KIF26B: variants seen among roughly 807,000 people sequenced by gnomAD.
KIF26B encodes the protein kinesin family member 26B.
In KIF26B, 63 loss-of-function variants were observed where a neutral mutation model predicts 151.2. The observed-to-expected ratio is 0.42, with a 90% CI of 0.34 to 0.51. The LOEUF (loss-of-function observed/expected upper bound fraction) is 0.51. Ranked by LOEUF, KIF26B falls within the 20% of genes least tolerant of loss-of-function variation. KIF26B has a pLI of 0.07. For missense variants in KIF26B, 2,813 were observed against 2,913.6 expected, an observed-to-expected ratio of 0.97 and a Z score of 0.79; for synonymous variants, 1,357 against 1,262.1, an observed-to-expected ratio of 1.08 and a Z score of -1.59.
intron 2 of KIF26B, among the ~76,000 whole-genome samples, chr1:245,359,854 A>ATTTC (rs760040009): frequency 1.5e-3 from 225 of 145,634 alleles, no homozygotes; most frequent in Non-Finnish European, 1.9e-3. Flanking sequence ...GCCTATTGTG[A>ATTTC]TTTCTTTCTT....
At chr1:245,683,477 A>G (rs2044465900) in intron 10 of KIF26B, among the ~76,000 whole-genome samples, 3 of 152,204 alleles carry the variant, frequency 2.0e-5, no homozygotes, top group African/African-American at 7.2e-5. Flanking sequence ...CTCCAGGTCT[A>G]TTCAAAGACG....
intron 4 of KIF26B, among the ~76,000 whole-genome samples, chr1:245,519,193 A>G (rs1283438778): frequency 6.6e-6 from 1 of 152,230 alleles, no homozygotes; most frequent in Non-Finnish European, 1.5e-5. Context: ...TAACAGATTT[A>G]TACAGTCTCA....
chr1:245,598,788 C>T (rs1404835760), intron 5 of KIF26B, among the ~76,000 whole-genome samples: 4 of 152,180 alleles, frequency 2.6e-5, no homozygotes, highest in Non-Finnish European at 2.9e-5. Context: ...ACAGCTGTCC[C>T]AATCCATCCG....
chr1:245,284,002 A>C (rs10924151), intron 2 of KIF26B, among the ~76,000 whole-genome samples: 89,866 of 151,610 alleles, frequency 0.59, 26,995 homozygotes, highest in East Asian at 0.7. Flanking sequence ...GAATATGAGC[A>C]GCACTTTTGA....
intron 4 of KIF26B, among the ~76,000 whole-genome samples, chr1:245,521,532 A>T (rs760072988): frequency 1.2e-4 from 18 of 152,160 alleles, no homozygotes; most frequent in Non-Finnish European, 2.4e-4. Flanking sequence ...GCAATCCTTG[A>T]GTATAAGTCT....
intron 2 of KIF26B, among the ~76,000 whole-genome samples, chr1:245,290,340 G>A (rs553279439): frequency 9.8e-5 from 15 of 152,354 alleles, no homozygotes; most frequent in African/African-American, 3.6e-4. Flanking sequence ...AAGAATTCTA[G>A]ATGAGTCCAT....
intron 4 of KIF26B, among the ~76,000 whole-genome samples, chr1:245,496,880 C>A (rs1352066802): frequency 6.6e-6 from 1 of 151,928 alleles, no homozygotes; most frequent in Non-Finnish European, 1.5e-5. Context: ...AAATGCCAAC[C>A]AATATAAGCT....
At chr1:245,326,198 A>G (rs1001802491) in intron 2 of KIF26B, among the ~76,000 whole-genome samples, 7 of 152,236 alleles carry the variant, frequency 4.6e-5, no homozygotes, top group African/African-American at 1.4e-4. Context: ...ATGTTTTTCA[A>G]ATGTAAACCA....
intron 2 of KIF26B, among the ~76,000 whole-genome samples, chr1:245,319,823 T>A (rs1671849956): frequency 6.6e-6 from 1 of 152,180 alleles, no homozygotes; most frequent in African/African-American, 2.4e-5. Context: ...CCATGTGGCT[T>A]GGAGACTATG....
chr1:245,443,456 C>T (rs1405248361), intron 4 of KIF26B, among the ~76,000 whole-genome samples: 1 of 100,304 alleles, frequency 1.0e-5, no homozygotes, highest in Non-Finnish European at 2.1e-5. Context: ...TCACTGTTCA[C>T]CTAGAGCGGT....
chr1:245,557,268 G>A (rs893811475), intron 5 of KIF26B, among the ~76,000 whole-genome samples: 3 of 152,198 alleles, frequency 2.0e-5, no homozygotes, highest in African/African-American at 7.2e-5. Context: ...GAACAGGTGC[G>A]TAGATTTTAA....
intron 4 of KIF26B, among the ~76,000 whole-genome samples, chr1:245,459,746 G>A (rs1659608628): frequency 6.6e-6 from 1 of 152,138 alleles, no homozygotes; most frequent in Non-Finnish European, 1.5e-5. Context: ...AGGCACAAAA[G>A]TGGATAAAAA....
chr1:245,694,500 C>A (rs918589669), intron 12 of KIF26B, among the ~76,000 whole-genome samples: 1 of 152,214 alleles, frequency 6.6e-6, no homozygotes, highest in Non-Finnish European at 1.5e-5. Context: ...ACTCAGAACA[C>A]CCATGTTTCC....
chr1:245,691,026 A>T (rs1428269918), intron 12 of KIF26B, among the ~76,000 whole-genome samples: 1 of 152,258 alleles, frequency 6.6e-6, no homozygotes, highest in East Asian at 1.9e-4. Flanking sequence ...TTCAAAGTCC[A>T]GATGACTGTG....
In KIF26B at chr1:245,488,373, A is replaced by C. The variant is rs556681921; in HGVS notation, c.1167-52394A>C. ...CCTGACATTCGGCCAGAATTTTTCC[A>C]ACAGAACCTAACAATAGATATGCTC... is the stretch of plus-strand genomic sequence containing the variant. On this transcript the variant is annotated intron_variant, in intron 4 of 14. Coordinates refer to ENST00000407071, the MANE Select transcript of KIF26B (RefSeq NM_018012.4). The surrounding 1 kb of genome is among the most constrained non-coding windows in gnomAD (Gnocchi z 4.6). Among the ~76,000 whole-genome samples the C allele has an allele frequency of 6.6e-6, 1 of 152,236 alleles. No homozygotes were observed. Among genetic ancestry groups the C allele is most frequent in the Admixed American group, 6.5e-5 (1 of 15,300 alleles).
rs1303176596 is a variant in KIF26B, at chr1:245,563,075, A to T, written c.1350+22125A>T. ...CAGCACAGCCAGCATAGGAGCCGGC[A>T]CTTAGTACATGTTTGTTTGGGGAAT... On this transcript the variant is annotated intron_variant, in intron 5 of 14. Transcript: ENST00000407071. The surrounding 1 kb of genome is among the most constrained non-coding windows in gnomAD (Gnocchi z 4.6). Among the ~76,000 whole-genome samples the T allele has an allele frequency of 6.6e-6, 1 of 152,166 alleles. No homozygotes were observed. The highest frequency in any genetic ancestry group is 2.4e-5 in the African/African-American group (1 of 41,438).
intron 2 of KIF26B, among the ~76,000 whole-genome samples, chr1:245,228,206 G>A (rs902744330): frequency 3.3e-5 from 5 of 152,124 alleles, no homozygotes; most frequent in Admixed American, 6.5e-5. Context: ...CTCCTGAGGG[G>A]GCCCTCTTTC....
chr1:245,161,648 A>C (rs1668531396), intron 2 of KIF26B, among the ~76,000 whole-genome samples: 1 of 152,206 alleles, frequency 6.6e-6, no homozygotes, highest in Admixed American at 6.5e-5. Flanking sequence ...ACACACACAT[A>C]ATCTCATATA....
At chr1:245,392,804 A>G (rs1002169131) in intron 3 of KIF26B, among the ~76,000 whole-genome samples, 16 of 152,124 alleles carry the variant, frequency 1.1e-4, no homozygotes, top group African/African-American at 3.6e-4. Flanking sequence ...TTATTTTTTA[A>G]CACTGTTTTT....
Sources: gnomAD v4.1 joint callset for allele counts (sites outside exome capture counted in the v4.1 genomes callset) on GRCh38, gnomAD v4.1.1 for gene constraint, Gnocchi (gnomAD v3.1) non-coding constraint, MANE v1.5 for transcripts, NCBI Gene and HGNC (gene_info 2026-07-23, HGNC 2026-07-21) for gene names.